Variants in CELF4 observed in about 807,000 individuals in gnomAD.
CELF4 encodes the protein CUG-BP- and ETR-3-like factor 4.
In CELF4, 18 loss-of-function variants were observed where a neutral mutation model predicts 59.9. The ratio of observed to expected loss-of-function variants is 0.30; its 90% CI spans 0.21 to 0.45. The LOEUF (loss-of-function observed/expected upper bound fraction) is 0.45. Among genes scored for constraint, CELF4 ranks in the 20% least tolerant of loss-of-function variants. CELF4 has a pLI of 1.00. For synonymous variants in CELF4, 261 were observed against 267.1 expected (o/e 0.98, Z 0.22); for missense variants, 456 against 689.0 (o/e 0.66, Z 3.79).
intron 3 of CELF4, among the ~76,000 whole-genome samples, chr18:37,319,661 G>A (rs1440951503): frequency 6.6e-6 from 1 of 152,240 alleles, no homozygotes; most frequent in East Asian, 1.9e-4. Flanking sequence ...AGGACAACTG[G>A]CTCTCCAAAT....
At chr18:37,536,097 G>A (rs1946224727) in intron 1 of CELF4, among the ~76,000 whole-genome samples, 1 of 152,084 alleles carries the variant, frequency 6.6e-6, no homozygotes, top group African/African-American at 2.4e-5. Context: ...TTGCATTGTG[G>A]TTGAAATTTC....
intron 2 of CELF4, among the ~76,000 whole-genome samples, chr18:37,373,266 C>A (rs1035873214): frequency 6.6e-6 from 1 of 152,196 alleles, no homozygotes; most frequent in East Asian, 1.9e-4. Flanking sequence ...AGGGCATCAG[C>A]AAGCTGGTCT....
intron 2 of CELF4, among the ~76,000 whole-genome samples, chr18:37,456,310 C>T (rs190073826): frequency 2.1e-4 from 32 of 152,222 alleles, no homozygotes; most frequent in Non-Finnish European, 3.7e-4. Context: ...GAAGTGGCCT[C>T]GGTGGGGTGG....
chr18:37,412,878 C>T (rs899908023), intron 2 of CELF4, among the ~76,000 whole-genome samples: 1 of 152,002 alleles, frequency 6.6e-6, no homozygotes, highest in South Asian at 2.1e-4. Context: ...GTGTGAGGTT[C>T]TCAGTTGTTC....
At chr18:37,371,281 G>A (rs1174978915) in intron 2 of CELF4, among the ~76,000 whole-genome samples, 1 of 152,166 alleles carries the variant, frequency 6.6e-6, no homozygotes, top group Non-Finnish European at 1.5e-5. Context: ...TTGATAATGT[G>A]GATTATGGCA....
At chr18:37,427,037 CG>C (rs5741769) in intron 2 of CELF4, among the ~76,000 whole-genome samples, 75,918 of 122,622 alleles carry the variant, frequency 0.62, 22,453 homozygotes, top group East Asian at 0.79. Flanking sequence ...AGCAGGGACA[CG>C]GGGGGGGGGG....
chr18:37,500,211 C>T (rs1461336536), intron 1 of CELF4, among the ~76,000 whole-genome samples: 1 of 152,194 alleles, frequency 6.6e-6, no homozygotes, highest in Non-Finnish European at 1.5e-5. Flanking sequence ...CCTGCCCCTG[C>T]CTGGGTGGAC....
At chr18:37,485,706 C>A in intron 1 of CELF4, 99 bp from the exon 2 acceptor site, 1 of 622,356 alleles carries the variant, frequency 1.6e-6, no homozygotes, top group Non-Finnish European at 2.4e-6. Flanking sequence ...CCCTCCCTGC[C>A]GCTCGGTCCC....
chr18:37,545,508 C>T (rs776477981), intron 1 of CELF4, among the ~76,000 whole-genome samples: 4 of 152,172 alleles, frequency 2.6e-5, no homozygotes, highest in African/African-American at 9.7e-5. Context: ...CTCAGGAGAT[C>T]GGTGTTTCTG....
At chr18:37,438,671 G>A (rs574307120) in intron 2 of CELF4, among the ~76,000 whole-genome samples, 12 of 152,270 alleles carry the variant, frequency 7.9e-5, no homozygotes, top group Admixed American at 3.3e-4. Context: ...AAAAATATAC[G>A]GGACACATCG....
chr18:37,259,150 T>C (rs2072469898), intron 11 of CELF4, 31 bp downstream of exon 11: 2 of 1,613,472 alleles, frequency 1.2e-6, no homozygotes, highest in African/African-American at 1.3e-5. Context: ...AGTCGCCCGA[T>C]CCACAAACAC....
At chr18:37,284,309 TACAC>T (rs142557119) in intron 3 of CELF4, among the ~76,000 whole-genome samples, 2 of 149,420 alleles carry the variant, frequency 1.3e-5, no homozygotes, top group African/African-American at 4.9e-5. Context: ...CCAATGCACA[TACAC>T]ACACACACAC....
At chr18:37,304,201 A>G (rs867405502) in intron 3 of CELF4, among the ~76,000 whole-genome samples, 5 of 152,216 alleles carry the variant, frequency 3.3e-5, no homozygotes, top group Non-Finnish European at 7.3e-5. Flanking sequence ...GAAGGCATCC[A>G]TTCTTTGCCG....
intron 1 of CELF4, among the ~76,000 whole-genome samples, chr18:37,511,685 A>G (rs907534481): frequency 1.3e-5 from 2 of 151,844 alleles, no homozygotes; most frequent in Admixed American, 6.6e-5. Context: ...AACATCTCCC[A>G]GTGGTAAGGC....
chr18:37,450,262 G>A (rs2099759498), intron 2 of CELF4, among the ~76,000 whole-genome samples: 1 of 151,972 alleles, frequency 6.6e-6, no homozygotes, highest in African/African-American at 2.4e-5. Context: ...GTGTTGGGAG[G>A]AAGAAGCAGG....
chr18:37,477,560 C>T (rs929550241), intron 2 of CELF4, among the ~76,000 whole-genome samples: 7 of 152,104 alleles, frequency 4.6e-5, no homozygotes, highest in African/African-American at 1.7e-4. Context: ...GGGGTGAGGG[C>T]CTGGAAGCAG....
At chr18:37,420,327 C>G (rs566456338) in intron 2 of CELF4, among the ~76,000 whole-genome samples, 31 of 152,356 alleles carry the variant, frequency 2.0e-4, no homozygotes, top group African/African-American at 7.2e-4. Context: ...GTCTCAGCAC[C>G]TTGGTTTCCT....
intron 1 of CELF4, among the ~76,000 whole-genome samples, chr18:37,553,370 C>A (rs2099983830): frequency 6.6e-6 from 1 of 152,100 alleles, no homozygotes; most frequent in East Asian, 1.9e-4. Flanking sequence ...CCATCCATTT[C>A]ATCACACGTA....
At chr18:37,326,194 C>T (rs916655360) in intron 2 of CELF4, among the ~76,000 whole-genome samples, 5 of 152,078 alleles carry the variant, frequency 3.3e-5, no homozygotes, top group South Asian at 2.1e-4. Context: ...AAGAGAATGC[C>T]GGAGAGGGCG....
Sources: allele counts gnomAD v4.1 joint callset (sites outside exome capture counted in the v4.1 genomes callset), GRCh38; gene constraint gnomAD v4.1.1; transcripts MANE v1.5; gene names NCBI Gene and HGNC (gene_info 2026-07-23, HGNC 2026-07-21).